KNL1: variants seen among roughly 807,000 people sequenced by gnomAD.
The protein encoded by KNL1 is kinetochore scaffold 1, also known as outer kinetochore KNL1 complex subunit KNL1.
A neutral mutation model predicts 201.3 loss-of-function variants in KNL1; 66 were observed. The observed-to-expected ratio is 0.33, with a 90% confidence interval of 0.27 to 0.40. The LOEUF (loss-of-function observed/expected upper bound fraction) is 0.40. Ranked by LOEUF, KNL1 falls within the 10% of genes least tolerant of loss-of-function variation. The probability of loss-of-function intolerance (pLI) is 1.00; values close to 1 mark genes in which losing one functional copy is unlikely to be tolerated. For synonymous variants in KNL1, 895 were observed against 899.2 expected (o/e 1.00, Z 0.08); for missense variants, 2,815 against 2,690.5 (o/e 1.05, Z -1.02).
At chr15:40,594,831 A>C (rs1444438113) in intron 1 of KNL1, among the ~76,000 whole-genome samples, 4 of 152,222 alleles carry the variant, frequency 2.6e-5, no homozygotes. Flanking sequence ...GTGATTTTAA[A>C]ATTCTCAGCT....
At chr15:40,636,619 A>G (rs1358492377) in intron 13 of KNL1, among the ~76,000 whole-genome samples, 1 of 152,140 alleles carries the variant, frequency 6.6e-6, no homozygotes, top group Non-Finnish European at 1.5e-5. Flanking sequence ...ACTTGAGGTC[A>G]GGAGTTCAAG....
chr15:40,650,206 ATTG>A, intron 17 of KNL1, 92 bp from the exon 18 acceptor site: 1 of 788,824 alleles, frequency 1.3e-6, no homozygotes, highest in Non-Finnish European at 2.0e-6. Flanking sequence ...CGTTTAATAA[ATTG>A]TTTTTGATTG....
chr15:40,608,745 C>CA (rs35446763), intron 4 of KNL1, 102 bp from the exon 5 acceptor site: 18,846 of 533,052 alleles, frequency 0.035, 1 homozygote, highest in East Asian at 0.056. Flanking sequence ...AACTCCATCT[C>CA]AAAAAAAAAA....
intron 2 of KNL1, among the ~76,000 whole-genome samples, chr15:40,603,295 A>T (rs1052392290): frequency 2.0e-5 from 3 of 152,022 alleles, no homozygotes; most frequent in East Asian, 3.9e-4. Flanking sequence ...TGTCCAAGTG[A>T]TCTCATTGTT....
rs1487865214 is a variant in KNL1 at position 40,594,325 on chromosome 15, G to C, written c.-85G>C. 3 of 152,314 alleles carry C rather than the reference G, an allele frequency of 2.0e-5. No individual in the cohort carries two copies. Among genetic ancestry groups the C allele is most frequent in the Non-Finnish European group, 4.4e-5 (3 of 68,098 alleles). 9.4% of individuals were successfully genotyped at this position (152,314 alleles called of 1,614,324 possible). On this transcript the variant is annotated 5_prime_UTR_variant, in exon 1 of 26. Transcript: ENST00000399668. ...AGGCGGCTGTCTGTTTCCGCTCTAA[G>C]GAAACTCAGAGCGTGTGGACCCCAA...
chr15:40,625,854 C>T (rs1053880107), intron 10 of KNL1: 6 of 450,774 alleles, frequency 1.3e-5, no homozygotes, highest in Non-Finnish European at 2.4e-5. Flanking sequence ...GACAAATAGT[C>T]ACAAAAAAAT....
intron 10 of KNL1, 147 bp downstream of exon 10, chr15:40,625,787 A>T (rs1348711811): frequency 1.7e-6 from 1 of 602,350 alleles, no homozygotes; most frequent in Non-Finnish European, 2.9e-6. Flanking sequence ...AAATATTCTT[A>T]TGTAGAACCT....
intron 22 of KNL1, among the ~76,000 whole-genome samples, chr15:40,656,409 G>C (rs924371641): frequency 1.3e-5 from 2 of 152,012 alleles, no homozygotes; most frequent in Non-Finnish European, 2.9e-5. Context: ...CTCCAGCCTG[G>C]GCAATAGAGT....
chr15:40,630,235 T>C (rs920868921), intron 13 of KNL1, among the ~76,000 whole-genome samples: 1 of 152,236 alleles, frequency 6.6e-6, no homozygotes, highest in African/African-American at 2.4e-5. Context: ...GAAAAACTTA[T>C]ATTCCTTACA....
chr15:40,642,181 C>G (rs1001700044), intron 14 of KNL1, among the ~76,000 whole-genome samples: 1 of 152,110 alleles, frequency 6.6e-6, no homozygotes, highest in Non-Finnish European at 1.5e-5. Flanking sequence ...AGGTGGATCA[C>G]GAGGTCAGGA....
intron 7 of KNL1, among the ~76,000 whole-genome samples, chr15:40,614,184 G>A (rs1394471089): frequency 2.7e-5 from 4 of 148,172 alleles, no homozygotes; most frequent in South Asian, 4.3e-4. Flanking sequence ...TGCAACCTCC[G>A]CCTCATGGGT....
At chr15:40,611,256 A>G (rs1271514722) in intron 6 of KNL1, among the ~76,000 whole-genome samples, 1 of 150,922 alleles carries the variant, frequency 6.6e-6, no homozygotes, top group Non-Finnish European at 1.5e-5. Flanking sequence ...TTACATGTGC[A>G]CGCCACCACA....
chr15:40,627,315 C>T (rs1221115173), intron 10 of KNL1, among the ~76,000 whole-genome samples: 3 of 152,274 alleles, frequency 2.0e-5, no homozygotes, highest in Non-Finnish European at 4.4e-5. Flanking sequence ...GAGATCAAGA[C>T]CATCCTGGCT....
chr15:40,626,099 G>GAC (rs1555421045), intron 10 of KNL1: 15 of 152,396 alleles, frequency 9.8e-5, no homozygotes, highest in Admixed American at 9.8e-4. Flanking sequence ...TTCCTTGGCT[G>GAC]ACAAGGATAT....
At position 40,623,242 on chromosome 15, in the gene KNL1, C is replaced by A; in HGVS notation, c.2978C>A (p.Thr993Asn). 2 of 1,613,948 alleles carry A rather than the reference C, an allele frequency of 1.2e-6. No homozygotes were observed. Among genetic ancestry groups the A allele is most frequent in the Non-Finnish European group, 1.7e-6 (2 of 1,179,864 alleles). ...ACACCAACAGTGATATGTACTCCTA[C>A]TGAGGAGAGTGTTTTCTTTCCAGGA... is the stretch of plus-strand genomic sequence containing the variant. Reference protein sequence around the residue: ...LGTPTVICTPTEESVFFPGNG... With the variant: ...LGTPTVICTPNEESVFFPGNG... The change falls in exon 10 of 26, where the codon ACT becomes AAT. Residue 993 changes from threonine (T) to asparagine (N), a missense_variant. By Grantham distance (65) the Thr-to-Asn change is moderately conservative. Around this residue, in one of 3 missense-constraint regions of KNL1, gnomAD observed 2,464 missense variants for 2,291.7 expected, o/e 1.08. Coordinates refer to ENST00000399668, the MANE Select transcript of KNL1 (RefSeq NM_144508.5).
Position 40,608,870 on chromosome 15 carries a change from GAA to G in KNL1, c.163_164del (p.Asn55LeufsTer42), listed in dbSNP as rs1395221278. The part of the protein sequence containing the change: ...VQESNALRNK[K>X]NSRRVSFADT... ...AGGAATCCAATGCTTTGAGAAATAAGAAAAACTCTCGTCGAGTCAGCTTTGCA... is the reference window on the plus strand; with the variant it reads ...AGGAATCCAATGCTTTGAGAAATAAGAAACTCTCGTCGAGTCAGCTTTGCA... On this transcript the variant is annotated frameshift_variant, in exon 5 of 26. Transcript: ENST00000399668. LOFTEE classifies it high-confidence loss of function. 1 of 1,611,148 alleles carries G rather than the reference GAA, an allele frequency of 6.2e-7. No individual in the cohort carries two copies. Among genetic ancestry groups the G allele is most frequent in the Non-Finnish European group, 8.5e-7 (1 of 1,178,226 alleles).
At position 40,624,262 on chromosome 15, in the gene KNL1, G is replaced by A. The variant is rs369979754; in HGVS notation, c.3998G>A (p.Cys1333Tyr). 28 of 1,613,902 alleles carry A rather than the reference G, an allele frequency of 1.7e-5. No individual in the cohort carries two copies. Among genetic ancestry groups the A allele is most frequent in the Non-Finnish European group, 2.2e-5 (26 of 1,179,974 alleles). The change falls in exon 10 of 26, where the codon TGC becomes TAC. Residue 1333 changes from cysteine to tyrosine, a missense_variant. This residue lies in a region of KNL1 where 2,464 missense variants were observed against 2,291.7 expected (regional missense o/e 1.08). Coordinates refer to ENST00000399668, the MANE Select transcript of KNL1 (RefSeq NM_144508.5). ...CDKDEEKANY[C>Y]PVQNDLAYAN... ...AAAGATGAGGAAAAAGCCAATTATT[G>A]CCCAGTGCAAAATGATCTTGCTTAT...
At chr15:40,632,891 C>T (rs1419041772) in intron 13 of KNL1, among the ~76,000 whole-genome samples, 5 of 151,824 alleles carry the variant, frequency 3.3e-5, no homozygotes, top group Non-Finnish European at 7.4e-5. Context: ...GAGACTCTGT[C>T]TCTATTTAAA....
At chr15:40,652,760 CAA>C (rs3986318) in intron 21 of KNL1, among the ~76,000 whole-genome samples, 1,633 of 116,750 alleles carry the variant, frequency 0.014, 29 homozygotes, top group African/African-American at 0.049. Context: ...AAAACTGTCT[CAA>C]AAAAAAAAAA....
Sources: allele counts gnomAD v4.1 joint callset (sites outside exome capture counted in the v4.1 genomes callset), GRCh38; gene constraint gnomAD v4.1.1; regional missense constraint gnomAD v4.1.1; transcripts MANE v1.5; gene names NCBI Gene and HGNC (gene_info 2026-07-23, HGNC 2026-07-21).